The following CD6 variants were observed in gnomAD, a reference collection of about 807,000 sequenced individuals.
The protein encoded by CD6 is CD6 molecule.
A neutral mutation model predicts 75.3 loss-of-function variants in CD6; 53 were observed. That is an observed-to-expected ratio of 0.70 (90% CI 0.56 to 0.88). CD6 has a LOEUF of 0.88. CD6 is among the 40% of genes least tolerant of loss of function. CD6 has a pLI of 0.00. For synonymous variants in CD6, 359 were observed against 381.5 expected (o/e 0.94, Z 0.69); for missense variants, 770 against 897.1 (o/e 0.86, Z 1.81).
chr11:60,973,881 C>T (rs1453235473), intron 1 of CD6, among the ~76,000 whole-genome samples: 2 of 152,172 alleles, frequency 1.3e-5, no homozygotes, highest in Non-Finnish European at 2.9e-5. Flanking sequence ...AGGAGGAAGA[C>T]TGCACCTTCA....
At chr11:61,004,823 G>A (rs1202045550) in intron 1 of CD6, among the ~76,000 whole-genome samples, 2 of 152,180 alleles carry the variant, frequency 1.3e-5, no homozygotes, top group South Asian at 2.1e-4. Flanking sequence ...CAGTTCCTCC[G>A]CAACCCAGGG....
At position 61,009,314 on chromosome 11, in the gene CD6, G is replaced by A. The variant is rs183022186; in HGVS notation, c.782-258G>A. ...GTAGATTCTGATTCAGTAGGTCTGA[G>A]GCAGAGCTCCAGAGTCTGCGTTTCT... On this transcript the variant is annotated intron_variant, in intron 4 of 12. Coordinates refer to ENST00000313421, the MANE Select transcript of CD6 (RefSeq NM_006725.5). 3.8e-3 allele frequency among the ~76,000 whole-genome samples: 585 copies of A among 152,296 alleles called. 1 individual carries two copies. The highest frequency in any genetic ancestry group is 6.0e-3 in the Non-Finnish European group (410 of 68,018).
chr11:61,001,740 G>A (rs1858595725), intron 1 of CD6, among the ~76,000 whole-genome samples: 1 of 152,082 alleles, frequency 6.6e-6, no homozygotes, highest in South Asian at 2.1e-4. Context: ...TTCCATGGCT[G>A]TGACTGTGTC....
chr11:61,013,647 C>A (rs1431969418), intron 7 of CD6, 84 bp downstream of exon 7: 2 of 1,448,490 alleles, frequency 1.4e-6, no homozygotes, highest in African/African-American at 2.8e-5. Context: ...CGTGGTCCAG[C>A]AATGACCACC....
Position 60,971,752 on chromosome 11 carries a change from C to A in CD6, c.-114C>A. The A allele has an allele frequency of 1.0e-6, 1 of 1,003,908 alleles. No homozygotes were observed. Among genetic ancestry groups the A allele is most frequent in the South Asian group, 1.4e-5 (1 of 72,874 alleles). The allele number at this position is 1,003,908 out of a possible 1,614,324, so 62.2% of individuals were successfully genotyped here. A position where few individuals can be genotyped will look rare whatever the true frequency, so the allele number is the denominator to read the frequency against. On this transcript the variant is annotated 5_prime_UTR_variant, in exon 1 of 13. Transcript: ENST00000313421. ...GAGAGAGACACAGGAACAAGAACAGCAAAGGGTAGAGCAGACCTGCGCCAG... is the reference window on the plus strand; with the variant it reads ...GAGAGAGACACAGGAACAAGAACAGAAAAGGGTAGAGCAGACCTGCGCCAG...
At chr11:61,016,580 C>T (rs1289562682) in intron 9 of CD6, among the ~76,000 whole-genome samples, 1 of 152,236 alleles carries the variant, frequency 6.6e-6, no homozygotes, top group Non-Finnish European at 1.5e-5. Context: ...TTGCCTTCAT[C>T]TACATGGTCC....
chr11:60,991,412 C>G (rs1012141474), intron 1 of CD6, among the ~76,000 whole-genome samples: 4 of 151,902 alleles, frequency 2.6e-5, no homozygotes, highest in Non-Finnish European at 5.9e-5. Flanking sequence ...CTCAGCCTCC[C>G]AAAGTGCTGT....
intron 4 of CD6, 46 bp downstream of exon 4, chr11:61,008,891 C>T (rs1227204749): frequency 8.3e-6 from 12 of 1,448,392 alleles, no homozygotes; most frequent in Non-Finnish European, 1.1e-5. Context: ...CAACACTCAC[C>T]ATAGGCCTAC....
intron 3 of CD6, 182 bp from the exon 4 acceptor site, chr11:61,008,352 C>A (rs1479107703): frequency 1.6e-5 from 10 of 613,484 alleles, no homozygotes; most frequent in Non-Finnish European, 2.5e-5. Flanking sequence ...TCCCTCCCAC[C>A]AGCCTGCGGC....
chr11:60,976,740 T>G (rs1050066637), intron 1 of CD6, among the ~76,000 whole-genome samples: 2 of 152,206 alleles, frequency 1.3e-5, no homozygotes, highest in Admixed American at 1.3e-4. Context: ...CTTGTGCCCT[T>G]TTTGATAGTC....
chr11:60,983,955 T>G (rs1857690593), intron 1 of CD6, among the ~76,000 whole-genome samples: 1 of 152,152 alleles, frequency 6.6e-6, no homozygotes, highest in Non-Finnish European at 1.5e-5. Flanking sequence ...CATGGTTCCA[T>G]TTAAGTCATG....
chr11:61,019,097 T>C lies in CD6; in HGVS notation c.1943-157T>C, dbSNP rs935163060. The stretch of plus-strand genomic sequence containing the variant: ...CGAGGCTATTCCCTCAGTGCTGATG[T>C]TCTAGTCAGGGACATGGCCGGAAGC... On this transcript the variant is annotated intron_variant, in intron 12 of 12. Coordinates refer to ENST00000313421, the MANE Select transcript of CD6 (RefSeq NM_006725.5). The C allele has an allele frequency of 9.9e-6, 6 of 603,838 alleles. No homozygotes were observed. In the African/African-American group the frequency reaches 1.1e-4, roughly 11 times the overall value. The allele number at this position is 603,838 out of a possible 1,614,324, so 37.4% of individuals were successfully genotyped here. A position where few individuals can be genotyped will look rare whatever the true frequency, so the allele number is the denominator to read the frequency against.
chr11:61,018,523 G>C, intron 12 of CD6, 130 bp downstream of exon 12: 18 of 731,618 alleles, frequency 2.5e-5, no homozygotes, highest in Non-Finnish European at 3.6e-5. Flanking sequence ...GAGAGGGAAA[G>C]TAACTTTTTA....
intron 1 of CD6, among the ~76,000 whole-genome samples, chr11:61,004,033 G>A (rs1858724303): frequency 6.6e-6 from 1 of 152,302 alleles, no homozygotes; most frequent in South Asian, 2.1e-4. Flanking sequence ...GGGGACACAG[G>A]GCTGACCCAG....
Position 61,017,331 on chromosome 11 carries a change from A to T in CD6, c.1511-148A>T. The T allele has an allele frequency of 4.7e-6, 3 of 640,326 alleles. No individual in the cohort carries two copies. In the Admixed American group the frequency reaches 7.3e-5, roughly 16 times the overall value. The allele number at this position is 640,326 out of a possible 1,614,324, so 39.7% of individuals were successfully genotyped here. On this transcript the variant is annotated intron_variant, in intron 9 of 12. Coordinates refer to ENST00000313421, the MANE Select transcript of CD6 (RefSeq NM_006725.5). ...GATTGGGATATGAACCTGGAATTTG[A>T]TGGGAAATGCTAAGCCCTCTCTGCC...
Position 61,010,688 on chromosome 11 carries a change from G to A in CD6, c.1085-382G>A, listed in dbSNP as rs543496775. Among the ~76,000 whole-genome samples, 4 of 152,272 alleles carry A rather than the reference G, an allele frequency of 2.6e-5. No individual in the cohort carries two copies. In the East Asian group the frequency reaches 5.8e-4, roughly 22 times the overall value. On this transcript the variant is annotated intron_variant, in intron 5 of 12. Coordinates refer to ENST00000313421, the MANE Select transcript of CD6 (RefSeq NM_006725.5). ...GACTTCTAAGCTCATTTCTTTGTGA[G>A]CCTACCTGCCCAACGGGAATGCCGA...
At chr11:61,005,845 C>T (rs955677001) in intron 1 of CD6, among the ~76,000 whole-genome samples, 7 of 151,708 alleles carry the variant, frequency 4.6e-5, no homozygotes, top group Admixed American at 2.0e-4. Context: ...ACAGGAGAAT[C>T]GCTTGAATCT....
intron 1 of CD6, among the ~76,000 whole-genome samples, chr11:60,986,360 C>G (rs1857816038): frequency 6.6e-6 from 1 of 152,128 alleles, no homozygotes; most frequent in South Asian, 2.1e-4. Context: ...TGGTGTTGAT[C>G]CACACTTGTC....
intron 1 of CD6, among the ~76,000 whole-genome samples, chr11:61,003,933 G>A (rs1171507403): frequency 2.0e-5 from 3 of 152,050 alleles, no homozygotes; most frequent in African/African-American, 4.8e-5. Flanking sequence ...TAAAGCCCTC[G>A]AGGTTATCCG....
Sources: gnomAD v4.1 joint callset for allele counts (sites outside exome capture counted in the v4.1 genomes callset) on GRCh38, gnomAD v4.1.1 for gene constraint, MANE v1.5 for transcripts, NCBI Gene and HGNC (gene_info 2026-07-23, HGNC 2026-07-21) for gene names.